The following PHTF1 variants were observed in gnomAD, a reference collection of about 807,000 sequenced individuals.
PHTF1 encodes putative homeodomain transcription factor 1.
In PHTF1, 88 loss-of-function variants were observed where a neutral mutation model predicts 102.4. The ratio of observed to expected loss-of-function variants is 0.86; its 90% CI spans 0.72 to 1.03. The LOEUF (loss-of-function observed/expected upper bound fraction) is 1.03. Ranked by LOEUF, PHTF1 falls within the 50% of genes least tolerant of loss-of-function variation. PHTF1 has a pLI of 0.00. For synonymous variants in PHTF1, 289 were observed against 305.2 expected (o/e 0.95, Z 0.55); for missense variants, 814 against 909.5 (o/e 0.89, Z 1.35).
At chr1:113,737,644 C>A (rs1298395843) in intron 5 of PHTF1, among the ~76,000 whole-genome samples, 1 of 151,976 alleles carries the variant, frequency 6.6e-6, no homozygotes, top group Non-Finnish European at 1.5e-5. Context: ...CAAAAAAATA[C>A]AAAAATTAGC....
chr1:113,717,296 G>C (rs1230644), intron 7 of PHTF1, among the ~76,000 whole-genome samples: 1 of 151,972 alleles, frequency 6.6e-6, no homozygotes, highest in Non-Finnish European at 1.5e-5. Context: ...GAGGAAGATA[G>C]GAAGGAAAGA....
At chr1:113,736,186 C>CA (rs1655453478) in intron 5 of PHTF1, among the ~76,000 whole-genome samples, 1 of 151,400 alleles carries the variant, frequency 6.6e-6, no homozygotes, top group African/African-American at 2.4e-5. Flanking sequence ...ACTAAAAATA[C>CA]AAAAAATTAG....
At chr1:113,699,382 T>C in intron 17 of PHTF1, 2 of 465,888 alleles carry the variant, frequency 4.3e-6, no homozygotes, top group Non-Finnish European at 8.1e-6. Flanking sequence ...TCCTCAATGG[T>C]GACAAATGCC....
intron 7 of PHTF1, chr1:113,714,053 G>C (rs1163172612): frequency 6.6e-6 from 1 of 152,652 alleles, no homozygotes; most frequent in African/African-American, 2.4e-5. Context: ...TTGAAGGGAA[G>C]GATCCAGTCC....
intron 15 of PHTF1, 182 bp downstream of exon 15, chr1:113,703,899 G>C (rs1325138706): frequency 9.4e-6 from 5 of 532,448 alleles, no homozygotes; most frequent in Non-Finnish European, 1.7e-5. Context: ...AGTTTGAAAG[G>C]ACTTCAGAAT....
intron 15 of PHTF1, 191 bp downstream of exon 15, chr1:113,703,890 G>C (rs986553017): frequency 7.5e-6 from 4 of 530,178 alleles, no homozygotes; most frequent in Non-Finnish European, 3.4e-6. Flanking sequence ...CGATCTTACA[G>C]TTTGAAAGGA....
At chr1:113,754,995 T>C (rs1440695301) in intron 3 of PHTF1, among the ~76,000 whole-genome samples, 2 of 152,132 alleles carry the variant, frequency 1.3e-5, no homozygotes, top group Non-Finnish European at 2.9e-5. Context: ...GCCTTAAACA[T>C]TGTAGTTCAA....
At chr1:113,738,333 G>T in intron 4 of PHTF1, 65 bp from the exon 5 acceptor site, 1 of 1,229,586 alleles carries the variant, frequency 8.1e-7, no homozygotes, top group Non-Finnish European at 1.2e-6. Context: ...GCCACCTGTA[G>T]CACTACATTA....
chr1:113,737,981 TG>T, intron 5 of PHTF1, 128 bp downstream of exon 5: 1 of 651,274 alleles, frequency 1.5e-6, no homozygotes, highest in Non-Finnish European at 2.6e-6. Flanking sequence ...AAATGGCATA[TG>T]TCTCTTCATT....
intron 3 of PHTF1, among the ~76,000 whole-genome samples, chr1:113,739,347 C>T (rs549812320): frequency 6.6e-6 from 1 of 152,262 alleles, no homozygotes; most frequent in East Asian, 1.9e-4. Flanking sequence ...TCGAACAGTG[C>T]CAACAGATCA....
intron 16 of PHTF1, 101 bp from the exon 17 acceptor site, chr1:113,699,900 A>T (rs1649257403): frequency 2.9e-6 from 2 of 693,294 alleles, no homozygotes; most frequent in African/African-American, 1.8e-5. Context: ...AAGTAAAATA[A>T]ATTTTGAAAT....
chr1:113,697,618 G>T lies in PHTF1; in HGVS notation c.*87C>A. On this transcript the variant is annotated 3_prime_UTR_variant, in exon 19 of 19. Transcript: ENST00000369604. ...ACCTGTGCATGTGAACAAGCAGGTGGGTATCTCACTGGTTTCTGCAGTCAT... is the reference window on the plus strand; with the variant it reads ...ACCTGTGCATGTGAACAAGCAGGTGTGTATCTCACTGGTTTCTGCAGTCAT... 1.1e-6 allele frequency: 1 copy of T among 896,420 alleles called. No individual in the cohort carries two copies. The highest frequency in any genetic ancestry group is 2.5e-5 in the East Asian group (1 of 40,762). 55.5% of individuals were successfully genotyped at this position (896,420 alleles called of 1,614,324 possible). A position where few individuals can be genotyped will look rare whatever the true frequency, so the allele number is the denominator to read the frequency against.
intron 5 of PHTF1, among the ~76,000 whole-genome samples, chr1:113,735,365 C>CAAA (rs749964684): frequency 0.03 from 867 of 28,438 alleles, 305 homozygotes; most frequent in Middle Eastern, 0.077. Flanking sequence ...GACTCTGTCT[C>CAAA]AAAAAAAAAA....
chr1:113,710,059 CTAGAT>C (rs1650814684), intron 11 of PHTF1, among the ~76,000 whole-genome samples, 190 bp downstream of exon 11: 1 of 152,188 alleles, frequency 6.6e-6, no homozygotes, highest in African/African-American at 2.4e-5. Context: ...TAGGGCAACT[CTAGAT>C]TACTTCTCCC....
chr1:113,744,950 A>C (rs1487310992), intron 3 of PHTF1, among the ~76,000 whole-genome samples: 1 of 149,878 alleles, frequency 6.7e-6, no homozygotes, highest in African/African-American at 2.5e-5. Context: ...CTCTGTCTCG[A>C]AAGAAGGGAA....
At chr1:113,722,954 ATAAATAAAT>A (rs1276070557) in intron 7 of PHTF1, among the ~76,000 whole-genome samples, 5 of 149,404 alleles carry the variant, frequency 3.3e-5, no homozygotes, top group South Asian at 2.1e-4. Context: ...AAATAAATAA[ATAAATAAAT>A]AAAAATAAAA....
intron 3 of PHTF1, 152 bp downstream of exon 3, chr1:113,757,547 C>T (rs2101749390): frequency 3.2e-6 from 2 of 616,682 alleles, no homozygotes; most frequent in Non-Finnish European, 5.8e-6. Context: ...TCAAGTGTCA[C>T]TTCTCATTAT....
intron 3 of PHTF1, among the ~76,000 whole-genome samples, chr1:113,752,541 A>G (rs1350167567): frequency 2.3e-5 from 1 of 43,988 alleles, no homozygotes; most frequent in East Asian, 3.2e-4. Context: ...GCCTGCAACC[A>G]CGCCTGGCTA....
chr1:113,727,614 A>C (rs1005244175), intron 5 of PHTF1, among the ~76,000 whole-genome samples: 9 of 152,358 alleles, frequency 5.9e-5, no homozygotes, highest in South Asian at 2.1e-4. Context: ...ATAATTTCAT[A>C]CAATGTAATT....
Sources: allele counts gnomAD v4.1 joint callset (sites outside exome capture counted in the v4.1 genomes callset), GRCh38; gene constraint gnomAD v4.1.1; transcripts MANE v1.5; gene names NCBI Gene and HGNC (gene_info 2026-07-23, HGNC 2026-07-21).